EYS: variants seen among roughly 807,000 people sequenced by gnomAD.
EYS encodes the protein protein eyes shut homolog.
Under a neutral mutation model 282.1 loss-of-function variants are expected in EYS, and 250 were observed. The ratio of observed to expected loss-of-function variants is 0.89; its 90% CI spans 0.80 to 0.98. EYS has a LOEUF of 0.98. EYS is among the 50% of genes least tolerant of loss of function. The pLI is 0.00. For missense variants in EYS, 4,016 were observed against 3,709.0 expected (o/e 1.08, Z -2.15); for synonymous variants, 1,355 against 1,282.9 (o/e 1.06, Z -1.20).
intron 5 of EYS, among the ~76,000 whole-genome samples, chr6:65,455,388 T>G (rs1764563384): frequency 6.6e-6 from 1 of 152,150 alleles, no homozygotes; most frequent in South Asian, 2.1e-4. Context: ...TTCCAACAGT[T>G]TTTCTTGATA....
chr6:65,451,753 C>T (rs1240823659), intron 5 of EYS, among the ~76,000 whole-genome samples: 2 of 151,858 alleles, frequency 1.3e-5, no homozygotes, highest in East Asian at 1.9e-4. Context: ...ATAATTAGCA[C>T]TTCTTAAATA....
At chr6:64,540,749 G>A (rs993967479) in intron 26 of EYS, among the ~76,000 whole-genome samples, 1 of 152,128 alleles carries the variant, frequency 6.6e-6, no homozygotes, top group South Asian at 2.1e-4. Context: ...CTCCCAAAGT[G>A]CTGGGATTAC....
intron 13 of EYS, among the ~76,000 whole-genome samples, chr6:65,035,447 C>G (rs991306201): frequency 6.6e-6 from 1 of 151,916 alleles, no homozygotes; most frequent in African/African-American, 2.4e-5. Context: ...ATAGTCTCTA[C>G]CCAAAAGCTC....
intron 2 of EYS, among the ~76,000 whole-genome samples, chr6:65,570,952 G>C (rs1415533704): frequency 6.6e-6 from 1 of 151,952 alleles, no homozygotes; most frequent in Admixed American, 6.6e-5. Flanking sequence ...ATATGTTTTA[G>C]AAACTCCATT....
chr6:64,940,167 T>G (rs2150092329), intron 15 of EYS, among the ~76,000 whole-genome samples: 1 of 152,096 alleles, frequency 6.6e-6, no homozygotes, highest in South Asian at 2.1e-4. Context: ...AGTAGCAAGC[T>G]CAAGTCGGTA....
At chr6:63,840,235 A>ATTATTATTG (rs112733240) in intron 36 of EYS, among the ~76,000 whole-genome samples, 2,365 of 145,954 alleles carry the variant, frequency 0.016, 41 homozygotes, top group African/African-American at 0.043. Context: ...TATTATTATT[A>ATTATTATTG]TTGTATTTTT....
intron 12 of EYS, among the ~76,000 whole-genome samples, chr6:65,147,862 T>C (rs1313639474): frequency 6.6e-6 from 1 of 152,034 alleles, no homozygotes; most frequent in Non-Finnish European, 1.5e-5. Context: ...AAAAACGGCC[T>C]TCCTTACAAG....
chr6:64,574,855 C>T (rs547555246), intron 26 of EYS, among the ~76,000 whole-genome samples: 4 of 152,138 alleles, frequency 2.6e-5, no homozygotes, highest in African/African-American at 9.6e-5. Context: ...TACTTATATG[C>T]CTTCAGGTAT....
At chr6:65,697,791 T>A (rs901899903) in intron 1 of EYS, among the ~76,000 whole-genome samples, 2 of 152,102 alleles carry the variant, frequency 1.3e-5, no homozygotes, top group Admixed American at 1.3e-4. Flanking sequence ...CGGCATTACA[T>A]CTATCTTAGT....
intron 37 of EYS, chr6:63,797,052 A>G (rs1770664113): frequency 6.6e-6 from 1 of 152,212 alleles, no homozygotes; most frequent in African/African-American, 2.4e-5. Context: ...ATATTTGATT[A>G]TAGTTCTAGG....
intron 31 of EYS, among the ~76,000 whole-genome samples, chr6:64,163,518 A>G (rs1775171992): frequency 6.6e-6 from 1 of 152,136 alleles, no homozygotes; most frequent in Non-Finnish European, 1.5e-5. Context: ...ATATGTAACT[A>G]TCTAATTGCA....
chr6:64,924,421 T>C (rs1407378174), intron 15 of EYS, among the ~76,000 whole-genome samples: 1 of 152,156 alleles, frequency 6.6e-6, no homozygotes, highest in East Asian at 1.9e-4. Context: ...TGAAGGTCTC[T>C]GGCATGGCCT....
At chr6:64,888,666 T>G (rs1583263015) in intron 18 of EYS, among the ~76,000 whole-genome samples, 1 of 151,996 alleles carries the variant, frequency 6.6e-6, no homozygotes, top group African/African-American at 2.4e-5. Flanking sequence ...TTCTTGAATT[T>G]TTGTTCAAAT....
chr6:65,225,111 A>G (rs1766585461), intron 12 of EYS, among the ~76,000 whole-genome samples: 2 of 151,916 alleles, frequency 1.3e-5, no homozygotes, highest in African/African-American at 4.8e-5. Context: ...AAAGTCAAAC[A>G]AAAGGAACAA....
chr6:64,452,293 A>C (rs939249314), intron 26 of EYS, among the ~76,000 whole-genome samples: 1 of 152,106 alleles, frequency 6.6e-6, no homozygotes, highest in Admixed American at 6.5e-5. Context: ...TAGGAATCCA[A>C]CTTACAAGGG....
At chr6:64,783,710 G>T (rs1239979148) in intron 22 of EYS, among the ~76,000 whole-genome samples, 1 of 152,058 alleles carries the variant, frequency 6.6e-6, no homozygotes, top group Non-Finnish European at 1.5e-5. Context: ...TTTTTAAAAT[G>T]CTATAATTTT....
At chr6:65,389,270 G>A (rs1765917435) in intron 7 of EYS, among the ~76,000 whole-genome samples, 1 of 152,088 alleles carries the variant, frequency 6.6e-6, no homozygotes, top group South Asian at 2.1e-4. Flanking sequence ...CCCAGATTCT[G>A]GTTTCTCTTC....
chr6:64,867,038 T>A (rs984412535), intron 19 of EYS, among the ~76,000 whole-genome samples: 1 of 151,710 alleles, frequency 6.6e-6, no homozygotes, highest in Non-Finnish European at 1.5e-5. Context: ...AGGGAGAAAA[T>A]ATTTTAGAAA....
At position 64,896,918 on chromosome 6, in the gene EYS, T is replaced by C. The variant is rs552637583; in HGVS notation, c.2846+5195A>G. ...ACCGCCTCTCTAGATACCTCCTCTC[T>C]GGGCAGGGCATCTCTGAAAGAAAGG... On this transcript the variant is annotated intron_variant, in intron 18 of 42. Transcript: ENST00000503581. 3.3e-5 allele frequency among the ~76,000 whole-genome samples: 5 copies of C among 152,228 alleles called. No individual in the cohort carries two copies. In the South Asian group the frequency reaches 1.0e-3, roughly 32 times the overall value.
Sources: allele counts gnomAD v4.1 joint callset (sites outside exome capture counted in the v4.1 genomes callset), GRCh38; gene constraint gnomAD v4.1.1; transcripts MANE v1.5; gene names NCBI Gene and HGNC (gene_info 2026-07-23, HGNC 2026-07-21).